SLC24A3: variants seen among roughly 807,000 people sequenced by gnomAD.
SLC24A3 encodes sodium/potassium/calcium exchanger 3.
Under a neutral mutation model 75.8 loss-of-function variants are expected in SLC24A3, and 28 were observed. The observed-to-expected ratio is 0.37, with a 90% confidence interval of 0.27 to 0.51. The LOEUF (loss-of-function observed/expected upper bound fraction) is 0.51, where lower values mean the gene tolerates loss of function less well. Ranked by LOEUF, SLC24A3 falls within the 20% of genes least tolerant of loss-of-function variation. The pLI, the probability that SLC24A3 is intolerant of heterozygous loss-of-function variation, is 0.94. For synonymous variants in SLC24A3, 372 were observed against 334.1 expected (o/e 1.11, Z -1.24); for missense variants, 663 against 847.8 (o/e 0.78, Z 2.71).
At chr20:19,398,775 A>G (rs1986499802) in intron 2 of SLC24A3, among the ~76,000 whole-genome samples, 2 of 152,196 alleles carry the variant, frequency 1.3e-5, no homozygotes, top group Non-Finnish European at 1.5e-5. Context: ...AAATGCATTT[A>G]ATCTTTCACT....
chr20:19,346,063 C>CTATATATATATATATA (rs763603062), intron 2 of SLC24A3, among the ~76,000 whole-genome samples: 2 of 21,258 alleles, frequency 9.4e-5, no homozygotes, highest in African/African-American at 1.3e-4. Context: ...ATAAAGAAAA[C>CTATATATATATATATA]TATATATATA....
At chr20:19,402,826 C>T (rs997207234) in intron 2 of SLC24A3, among the ~76,000 whole-genome samples, 1 of 152,160 alleles carries the variant, frequency 6.6e-6, no homozygotes, top group Non-Finnish European at 1.5e-5. Context: ...TTGAGCTTAG[C>T]AGGGCCCACA....
chr20:19,535,794 A>G (rs890066656), intron 3 of SLC24A3, among the ~76,000 whole-genome samples: 11 of 152,268 alleles, frequency 7.2e-5, no homozygotes, highest in Admixed American at 7.2e-4. Context: ...TTGTGATGCT[A>G]TAACATAACA....
chr20:19,414,734 A>G (rs1568611903), intron 2 of SLC24A3, among the ~76,000 whole-genome samples: 1 of 152,204 alleles, frequency 6.6e-6, no homozygotes, highest in African/African-American at 2.4e-5. Context: ...AAGAGAGAAT[A>G]GCATTCTCTC....
intron 11 of SLC24A3, 145 bp from the exon 12 acceptor site, chr20:19,684,954 AT>A (rs2032656575): frequency 1.1e-6 from 1 of 951,826 alleles, no homozygotes; most frequent in African/African-American, 1.6e-5. Context: ...TGGTTATCAC[AT>A]TGAGAGGCCC....
rs114930979 is a variant in SLC24A3, at chr20:19,691,451, A to G, written c.1325-1808A>G. 9.3e-3 allele frequency among the ~76,000 whole-genome samples: 1,413 copies of G among 152,248 alleles called. 28 individuals carry two copies. The highest frequency in any genetic ancestry group is 0.031 in the African/African-American group (1,298 of 41,548). ...GGCAAAATCAGGCAGTGCCTTACAG[A>G]CCATGGTGGGGAGACCTGATTTTAC... On this transcript the variant is annotated intron_variant, in intron 12 of 16. Transcript: ENST00000328041.
At chr20:19,423,320 AC>A (rs1568613897) in intron 2 of SLC24A3, among the ~76,000 whole-genome samples, 1 of 152,174 alleles carries the variant, frequency 6.6e-6, no homozygotes, top group Non-Finnish European at 1.5e-5. Context: ...CTCAGCCCCA[AC>A]TGCAGAAACT....
chr20:19,366,147 G>C (rs1012894006), intron 2 of SLC24A3, among the ~76,000 whole-genome samples: 2 of 151,990 alleles, frequency 1.3e-5, no homozygotes, highest in African/African-American at 4.8e-5. Context: ...TTTGGTGGTG[G>C]TGGTAGGGGA....
chr20:19,504,207 A>G lies in SLC24A3; in HGVS notation c.272-11281A>G, dbSNP rs551391226. Among the ~76,000 whole-genome samples the G allele has an allele frequency of 7.2e-5, 11 of 152,338 alleles. No homozygotes were observed. In the South Asian group the frequency reaches 2.3e-3, roughly 32 times the overall value. ...TGGAATAACAACATCAGGAGGAAAG[A>G]AAAAGGGCAGTTTTTAAGAGGGGAA... On this transcript the variant is annotated intron_variant, in intron 2 of 16. Coordinates refer to ENST00000328041, the MANE Select transcript of SLC24A3 (RefSeq NM_020689.4).
At chr20:19,428,364 T>C (rs1283675270) in intron 2 of SLC24A3, among the ~76,000 whole-genome samples, 1 of 152,188 alleles carries the variant, frequency 6.6e-6, no homozygotes, top group Non-Finnish European at 1.5e-5. Context: ...GTTAATACTG[T>C]GTGTTAAGTA....
intron 2 of SLC24A3, among the ~76,000 whole-genome samples, chr20:19,325,777 C>CATATATATATATATAT (rs1164485509): frequency 5.1e-4 from 30 of 58,372 alleles, no homozygotes; most frequent in East Asian, 3.0e-3. Context: ...TATATATATA[C>CATATATATATATATAT]ATATATATAT....
At chr20:19,508,055 G>A (rs1988485655) in intron 2 of SLC24A3, among the ~76,000 whole-genome samples, 1 of 152,170 alleles carries the variant, frequency 6.6e-6, no homozygotes, top group Non-Finnish European at 1.5e-5. Flanking sequence ...AATTTGATGA[G>A]CACTGGGACA....
intron 2 of SLC24A3, among the ~76,000 whole-genome samples, chr20:19,377,359 G>T (rs907243542): frequency 1.3e-5 from 2 of 152,132 alleles, no homozygotes; most frequent in South Asian, 4.1e-4. Context: ...ATAGAGCACA[G>T]TAATCAAAAG....
chr20:19,440,583 A>G (rs1600230870), intron 2 of SLC24A3, among the ~76,000 whole-genome samples: 2 of 151,992 alleles, frequency 1.3e-5, no homozygotes, highest in East Asian at 3.9e-4. Context: ...ACTTTTCTAA[A>G]CCAGAAGAGA....
chr20:19,453,708 C>T (rs1319080652), intron 2 of SLC24A3, among the ~76,000 whole-genome samples: 2 of 152,200 alleles, frequency 1.3e-5, no homozygotes, highest in Non-Finnish European at 2.9e-5. Flanking sequence ...AGGCTCTGCT[C>T]AGACCTGTGC....
chr20:19,328,141 G>A (rs1418366245), intron 2 of SLC24A3, among the ~76,000 whole-genome samples: 2 of 152,124 alleles, frequency 1.3e-5, no homozygotes, highest in Admixed American at 1.3e-4. Context: ...CAGAGGGGCA[G>A]CAAAGGCCAG....
rs138455413 is a variant in SLC24A3 at position 19,510,191 on chromosome 20, T to C, written c.272-5297T>C. ...TGCTGCAGGGTCATCTGGCAACAAA[T>C]GCCCTTTGCAAATGAATCAAAGAAG... is the stretch of plus-strand genomic sequence containing the variant. On this transcript the variant is annotated intron_variant, in intron 2 of 16. Transcript: ENST00000328041. 1.7e-3 allele frequency among the ~76,000 whole-genome samples: 262 copies of C among 152,326 alleles called. 1 individual carries two copies. The highest frequency in any genetic ancestry group is 3.0e-3 in the Non-Finnish European group (202 of 68,024).
chr20:19,395,279 A>C (rs538299628), intron 2 of SLC24A3, among the ~76,000 whole-genome samples: 1 of 152,352 alleles, frequency 6.6e-6, no homozygotes, highest in African/African-American at 2.4e-5. Flanking sequence ...AAATGTGCGT[A>C]TACTTAACAC....
intron 1 of SLC24A3, among the ~76,000 whole-genome samples, chr20:19,275,677 A>G (rs1434902558): frequency 1.3e-5 from 2 of 152,040 alleles, no homozygotes; most frequent in East Asian, 3.9e-4. Flanking sequence ...GGAGAGCACA[A>G]AAGGGTGAGC....
Sources: allele counts gnomAD v4.1 joint callset (sites outside exome capture counted in the v4.1 genomes callset), GRCh38; gene constraint gnomAD v4.1.1; transcripts MANE v1.5; gene names NCBI Gene and HGNC (gene_info 2026-07-23, HGNC 2026-07-21).